The following SAMD14 variants were observed in gnomAD, a reference collection of about 807,000 sequenced individuals.
The protein encoded by SAMD14 is sterile alpha motif domain-containing protein 14.
In SAMD14, 27 loss-of-function variants were observed where a neutral mutation model predicts 46.2. That is an observed-to-expected ratio of 0.58 (90% CI 0.43 to 0.81). The LOEUF (loss-of-function observed/expected upper bound fraction) is 0.81. Ranked by LOEUF, SAMD14 falls within the 30% of genes least tolerant of loss-of-function variation. The probability of loss-of-function intolerance (pLI) is 0.00; values close to 1 mark genes in which losing one functional copy is unlikely to be tolerated. For synonymous variants in SAMD14, 241 were observed against 254.3 expected, an observed-to-expected ratio of 0.95 and a Z score of 0.50; for missense variants, 559 against 582.2, an observed-to-expected ratio of 0.96 and a Z score of 0.41.
At position 50,129,923 on chromosome 17, in the gene SAMD14, ACGCGGGGCCCC is replaced by A. The variant is rs1474666421; in HGVS notation, c.-430_-420del. The stretch of plus-strand genomic sequence containing the variant: ...CCTGCCGCCCGCCAGGCCTGGCCGG[ACGCGGGGCCCC>A]CGCCTGGCAGGGCCGATTCGCGCGG... On this transcript the variant is annotated 5_prime_UTR_variant, in exon 1 of 10. Transcript: ENST00000330175. This position sits in a 1 kb window ranked among gnomAD's most constrained non-coding sequence, Gnocchi z 5.6. 1 of 151,524 alleles carries A rather than the reference ACGCGGGGCCCC, an allele frequency of 6.6e-6. No individual in the cohort carries two copies. The highest frequency in any genetic ancestry group is 1.5e-5 in the Non-Finnish European group (1 of 67,862). 9.4% of individuals were successfully genotyped at this position (151,524 alleles called of 1,614,324 possible).
At position 50,110,075 on chromosome 17, in the gene SAMD14, C is replaced by T. The variant is rs1175098045; in HGVS notation, c.*2818G>A. ...GTGCCCAGCACGGAGCCCAAGAACA[C>T]GTCCACGTACCGCGTCAGCTAAGGG... is the stretch of plus-strand genomic sequence containing the variant. On this transcript the variant is annotated 3_prime_UTR_variant, in exon 10 of 10. Transcript: ENST00000330175. The T allele has an allele frequency of 3.1e-6, 5 of 1,609,506 alleles. No individual in the cohort carries two copies. Among genetic ancestry groups the T allele is most frequent in the African/African-American group, 1.3e-5 (1 of 74,848 alleles).
rs1911167727 is a variant in SAMD14, at chr17:50,115,889, T to G, written c.603A>C (p.Arg201=). 1.2e-6 allele frequency: 2 copies of G among 1,613,314 alleles called. No individual in the cohort carries two copies. The highest frequency in any genetic ancestry group is 1.7e-6 in the Non-Finnish European group (2 of 1,179,734). ...KFLDLGVTLR[R]ASTGKSRKEK... ...CCTTCCGGCTCTTGCCCGTGGATGC[T>G]CGGCGCAGGGTGACCCTGTGGGGAG... The change falls in exon 6 of 10, where the codon CGA becomes CGC. Residue 201 remains arginine, a synonymous_variant. Transcript: ENST00000330175. This position sits in a 1 kb window ranked among gnomAD's most constrained non-coding sequence, Gnocchi z 5.3.
At position 50,110,882 on chromosome 17, in the gene SAMD14, CAT is replaced by C. The variant is rs959048358; in HGVS notation, c.*2009_*2010del. The C allele has an allele frequency of 1.6e-4, 25 of 152,530 alleles. No homozygotes were observed. The highest frequency in any genetic ancestry group is 6.0e-4 in the African/African-American group (25 of 41,560). The allele number at this position is 152,530 out of a possible 1,614,324, so 9.4% of individuals were successfully genotyped here. On this transcript the variant is annotated 3_prime_UTR_variant, in exon 10 of 10. Transcript: ENST00000330175. Reference sequence around the variant, plus strand: ...GCCCCCAGCCCCCACTGTGCCCAGACATGTGTGCTCAGGGTGGCTTTCTCCCT... The same window carrying C: ...GCCCCCAGCCCCCACTGTGCCCAGACGTGTGCTCAGGGTGGCTTTCTCCCT...
chr17:50,117,182 T>G (rs576581453), intron 4 of SAMD14, among the ~76,000 whole-genome samples: 31 of 152,300 alleles, frequency 2.0e-4, no homozygotes, highest in Non-Finnish European at 1.5e-4. Flanking sequence ...ACCACTATGA[T>G]GATAAAGACT....
intron 9 of SAMD14, chr17:50,113,402 C>CTCACTTCCAG (rs1445364203): frequency 3.6e-6 from 1 of 279,670 alleles, no homozygotes; most frequent in African/African-American, 2.2e-5. Flanking sequence ...AAGGACCCTC[C>CTCACTTCCAG]TCACTTCCAG....
intron 2 of SAMD14, among the ~76,000 whole-genome samples, chr17:50,118,937 T>C (rs1368145020): frequency 6.6e-6 from 1 of 152,244 alleles, no homozygotes; most frequent in African/African-American, 2.4e-5. Context: ...GTCACTTGAC[T>C]AAAGCCACCA....
intron 3 of SAMD14, 35 bp from the exon 4 acceptor site, chr17:50,117,730 C>G: frequency 1.4e-6 from 2 of 1,407,924 alleles, no homozygotes; most frequent in Non-Finnish European, 1.8e-6. Context: ...CGAGAACCCT[C>G]CTCCTCCCTT....
chr17:50,119,241 G>T (rs574672400), intron 2 of SAMD14, among the ~76,000 whole-genome samples: 1 of 152,206 alleles, frequency 6.6e-6, no homozygotes. Context: ...TGGGTCCAGC[G>T]TTAAAGTCCT....
Position 50,115,989 on chromosome 17 carries a change from C to T in SAMD14, c.587+14G>A. ...CAGCTCCAAGCCCTGCGATCTAGCC[C>T]CGCCTCCACTCACCCCAGGTCCAGG... On this transcript the variant is annotated intron_variant, in intron 5 of 9. Coordinates refer to ENST00000330175, the MANE Select transcript of SAMD14 (RefSeq NM_001257359.2). This position sits in a 1 kb window ranked among gnomAD's most constrained non-coding sequence, Gnocchi z 5.3. The T allele has an allele frequency of 1.2e-6, 2 of 1,613,958 alleles. No homozygotes were observed. The highest frequency in any genetic ancestry group is 8.5e-7 in the Non-Finnish European group (1 of 1,179,892).
In SAMD14 at chr17:50,114,323, G is replaced by A; in HGVS notation, c.823-17C>T. ...AGTGGATTCCTAGACAGAAAAAGGTGCATGCCACTGAGGAGAGTTCACCCC... is the reference window on the plus strand; with the variant it reads ...AGTGGATTCCTAGACAGAAAAAGGTACATGCCACTGAGGAGAGTTCACCCC... On this transcript the variant is annotated splice_polypyrimidine_tract_variant and intron_variant, in intron 7 of 9. Transcript: ENST00000330175. The A allele has an allele frequency of 2.5e-6, 4 of 1,614,080 alleles. No homozygotes were observed. Among genetic ancestry groups the A allele is most frequent in the Non-Finnish European group, 2.5e-6 (3 of 1,180,016 alleles).
chr17:50,116,700 C>T (rs1911226607), intron 4 of SAMD14, among the ~76,000 whole-genome samples: 1 of 151,906 alleles, frequency 6.6e-6, no homozygotes, highest in Non-Finnish European at 1.5e-5. Flanking sequence ...AGCCACTGCA[C>T]TCGGCCTATC....
At chr17:50,120,319 GGGAGAGGAGA>G (rs1021129626) in intron 2 of SAMD14, among the ~76,000 whole-genome samples, 574 of 152,214 alleles carry the variant, frequency 3.8e-3, no homozygotes, top group African/African-American at 0.013. Flanking sequence ...AGCAGAGGAA[GGGAGAGGAGA>G]GGAGAGGAAA....
intron 1 of SAMD14, among the ~76,000 whole-genome samples, chr17:50,127,851 G>T (rs894045226): frequency 2.0e-5 from 3 of 152,148 alleles, no homozygotes; most frequent in Non-Finnish European, 1.5e-5. Flanking sequence ...GCCTTATCTG[G>T]CTAGGACCCA....
chr17:50,113,889 C>A (rs781190505), intron 9 of SAMD14, 35 bp downstream of exon 9: 64 of 1,611,900 alleles, frequency 4.0e-5, no homozygotes, highest in Non-Finnish European at 5.2e-5. Context: ...CCTCAAGTAA[C>A]TGGGCTGGGT....
Position 50,112,671 on chromosome 17 carries a change from T to A in SAMD14, c.*222A>T. 1 of 503,074 alleles carries A rather than the reference T, an allele frequency of 2.0e-6. No homozygotes were observed. The highest frequency in any genetic ancestry group is 3.5e-6 in the Non-Finnish European group (1 of 288,656). The allele number at this position is 503,074 out of a possible 1,614,324, so 31.2% of individuals were successfully genotyped here. ...CCCCAGGAACTCTGTGCCAAACAAG[T>A]CCTCAAAATAGGATTTATTACTAGG... On this transcript the variant is annotated 3_prime_UTR_variant, in exon 10 of 10. Coordinates refer to ENST00000330175, the MANE Select transcript of SAMD14 (RefSeq NM_001257359.2).
chr17:50,117,943 G>C (rs1295606635), intron 3 of SAMD14: 1 of 653,162 alleles, frequency 1.5e-6, no homozygotes, highest in Non-Finnish European at 2.4e-6. Context: ...ACCTCTCAGG[G>C]CCTCAGTTTC....
chr17:50,122,145 G>A (rs949718144), intron 2 of SAMD14, among the ~76,000 whole-genome samples: 3 of 151,936 alleles, frequency 2.0e-5, no homozygotes, highest in African/African-American at 4.8e-5. Flanking sequence ...TTCTTTGTCC[G>A]GCTGATCAAT....
Position 50,115,731 on chromosome 17 carries a change from G to GA in SAMD14, c.663-9dup. On this transcript the variant is annotated splice_polypyrimidine_tract_variant and intron_variant, in intron 6 of 9. Coordinates refer to ENST00000330175, the MANE Select transcript of SAMD14 (RefSeq NM_001257359.2). This position sits in a 1 kb window ranked among gnomAD's most constrained non-coding sequence, Gnocchi z 5.3. ...GACCCCTCCACTGACTCCCTGCAGA[G>GA]AGAGTGTCCAGCATGGGTGTGGGTA... 6.2e-7 allele frequency: 1 copy of GA among 1,609,294 alleles called. No homozygotes were observed. Among genetic ancestry groups the GA allele is most frequent in the Non-Finnish European group, 8.5e-7 (1 of 1,176,530 alleles).
chr17:50,117,973 T>C, intron 3 of SAMD14, 188 bp downstream of exon 3: 1 of 709,104 alleles, frequency 1.4e-6, no homozygotes, highest in Non-Finnish European at 2.2e-6. Flanking sequence ...AAAATGGGGC[T>C]AATAATATCT....
Sources: allele counts gnomAD v4.1 joint callset (sites outside exome capture counted in the v4.1 genomes callset), GRCh38; gene constraint gnomAD v4.1.1; non-coding constraint Gnocchi (gnomAD v3.1); transcripts MANE v1.5; gene names NCBI Gene and HGNC (gene_info 2026-07-23, HGNC 2026-07-21).